The following RGS6 variants were observed in gnomAD, a reference collection of about 807,000 sequenced individuals.
The protein encoded by RGS6 is regulator of G protein signaling 6.
In RGS6, 30 loss-of-function variants were observed where a neutral mutation model predicts 78.5. The observed-to-expected ratio is 0.38, with a 90% CI of 0.29 to 0.52. The LOEUF (loss-of-function observed/expected upper bound fraction) is 0.52. Ranked by LOEUF, RGS6 falls within the 20% of genes least tolerant of loss-of-function variation. RGS6 has a pLI of 0.85. For missense variants in RGS6, 495 were observed against 609.7 expected (o/e 0.81, Z 1.98); for synonymous variants, 206 against 206.0 (o/e 1.00, Z 0.00).
At chr14:72,612,519 T>G in the RGS6 span, 1 of 518,926 alleles carries the variant, frequency 1.9e-6, no homozygotes, top group South Asian at 1.4e-5. Context: ...TATACGCCAC[T>G]GTTGCTTCCC....
intron 3 of RGS6, among the ~76,000 whole-genome samples, chr14:72,426,861 C>T (rs929091299): frequency 2.0e-5 from 3 of 152,206 alleles, no homozygotes; most frequent in African/African-American, 7.2e-5. Flanking sequence ...ATCACCTCTC[C>T]ATCCCAAAAG....
At chr14:72,218,212 C>T (rs113702450) in intron 2 of RGS6, among the ~76,000 whole-genome samples, 4 of 151,940 alleles carry the variant, frequency 2.6e-5, no homozygotes, top group Admixed American at 6.6e-5. Context: ...ATGGGATTTC[C>T]GAGTCAAAGG....
intron 12 of RGS6, among the ~76,000 whole-genome samples, chr14:72,482,967 T>C (rs2096411689): frequency 6.6e-6 from 1 of 152,188 alleles, no homozygotes; most frequent in Non-Finnish European, 1.5e-5. Flanking sequence ...CAATGAACCT[T>C]GAGGCATGGT....
At chr14:72,328,432 T>G (rs2074276132) in intron 2 of RGS6, among the ~76,000 whole-genome samples, 1 of 152,188 alleles carries the variant, frequency 6.6e-6, no homozygotes, top group African/African-American at 2.4e-5. Context: ...AAACACTCTG[T>G]GCAAGGAGCA....
chr14:72,137,168 G>A (rs1420010406), intron 2 of RGS6, among the ~76,000 whole-genome samples: 1 of 152,174 alleles, frequency 6.6e-6, no homozygotes, highest in African/African-American at 2.4e-5. Context: ...TGGGTATCAA[G>A]CAAGGTTTCC....
the RGS6 span, among the ~76,000 whole-genome samples, chr14:71,874,653 G>A: frequency 2.6e-5 from 4 of 152,198 alleles, no homozygotes; most frequent in East Asian, 5.8e-4. Flanking sequence ...CTGCCTGATT[G>A]CCCTGGCTAG....
chr14:71,888,823 G>A, the RGS6 span, among the ~76,000 whole-genome samples: 4 of 152,160 alleles, frequency 2.6e-5, no homozygotes, highest in Admixed American at 2.6e-4. Flanking sequence ...TTGGGTTGCT[G>A]AGGAGCTAAA....
intron 17 of RGS6, among the ~76,000 whole-genome samples, chr14:72,560,018 G>A (rs2097648907): frequency 6.6e-6 from 1 of 152,178 alleles, no homozygotes; most frequent in Admixed American, 6.5e-5. Flanking sequence ...CTGCAGTGAA[G>A]GTTTGGGCAA....
At chr14:71,978,968 A>C (rs2094302656) in intron 2 of RGS6, among the ~76,000 whole-genome samples, 1 of 147,288 alleles carries the variant, frequency 6.8e-6, no homozygotes. Context: ...TCAGAGATTC[A>C]ACTTCTTCCT....
At chr14:72,046,136 G>T (rs149648244) in intron 2 of RGS6, among the ~76,000 whole-genome samples, 2 of 151,380 alleles carry the variant, frequency 1.3e-5, no homozygotes, top group Non-Finnish European at 2.9e-5. Context: ...CCCTAGGAGC[G>T]TCTCCCCCAT....
chr14:72,473,162 G>A (rs1004125522), intron 9 of RGS6, among the ~76,000 whole-genome samples: 3 of 152,048 alleles, frequency 2.0e-5, no homozygotes, highest in Admixed American at 1.3e-4. Context: ...TTATTCATTC[G>A]GCCGGGCATG....
intron 3 of RGS6, among the ~76,000 whole-genome samples, chr14:72,394,416 A>C (rs534154396): frequency 5.9e-5 from 9 of 152,252 alleles, no homozygotes; most frequent in African/African-American, 2.2e-4. Context: ...TAAAATTGCT[A>C]ATGAAGTTTC....
chr14:72,420,607 C>T (rs1418065677), intron 3 of RGS6, among the ~76,000 whole-genome samples: 1 of 150,704 alleles, frequency 6.6e-6, no homozygotes, highest in Non-Finnish European at 1.5e-5. Flanking sequence ...TCTTTTGGAC[C>T]TTTGCAATTA....
the RGS6 span, among the ~76,000 whole-genome samples, chr14:72,578,314 C>T: frequency 3.9e-5 from 6 of 152,172 alleles, no homozygotes; most frequent in African/African-American, 2.4e-5. Context: ...CACCTCCTCA[C>T]GTAAGAGCCT....
chr14:72,112,434 C>A (rs914379074), intron 2 of RGS6, among the ~76,000 whole-genome samples: 9 of 152,138 alleles, frequency 5.9e-5, no homozygotes, highest in Non-Finnish European at 1.2e-4. Flanking sequence ...TGCTGAGTGG[C>A]AGCAGGGTAG....
chr14:72,487,636 G>A (rs75839423), intron 12 of RGS6, among the ~76,000 whole-genome samples: 2,182 of 152,270 alleles, frequency 0.014, 19 homozygotes, highest in Middle Eastern at 0.048. Flanking sequence ...ATGGAAGGGG[G>A]CCACGAGCCA....
chr14:72,243,840 T>G (rs939734083), intron 2 of RGS6, among the ~76,000 whole-genome samples: 5 of 152,148 alleles, frequency 3.3e-5, no homozygotes, highest in African/African-American at 1.2e-4. Context: ...TTTTAAGTTC[T>G]AGAGCTATGA....
intron 2 of RGS6, among the ~76,000 whole-genome samples, chr14:72,019,035 A>T (rs560686420): frequency 1.3e-5 from 2 of 152,274 alleles, no homozygotes; most frequent in African/African-American, 4.8e-5. Context: ...AAACCCAAAT[A>T]AAACAAAAAG....
intron 17 of RGS6, among the ~76,000 whole-genome samples, chr14:72,553,803 G>A (rs985595356): frequency 6.6e-6 from 1 of 152,126 alleles, no homozygotes; most frequent in African/African-American, 2.4e-5. Flanking sequence ...TCCTCTGTGG[G>A]CCCTGGGCCA....
Sources: gnomAD v4.1 joint callset for allele counts (sites outside exome capture counted in the v4.1 genomes callset) on GRCh38, gnomAD v4.1.1 for gene constraint, MANE v1.5 for transcripts, NCBI Gene and HGNC (gene_info 2026-07-23, HGNC 2026-07-21) for gene names.